SLC8A2: variants seen among roughly 807,000 people sequenced by gnomAD.
SLC8A2 encodes the protein sodium/calcium exchanger 2.
A neutral mutation model predicts 70.2 loss-of-function variants in SLC8A2; 14 were observed. The observed-to-expected ratio is 0.20, with a 90% confidence interval of 0.13 to 0.31. The LOEUF is 0.31. SLC8A2 is among the 10% of genes least tolerant of loss of function. The pLI, the probability that SLC8A2 is intolerant of heterozygous loss-of-function variation, is 1.00. For synonymous variants in SLC8A2, 575 were observed against 594.3 expected (o/e 0.97, Z 0.47); for missense variants, 779 against 1,320.1 (o/e 0.59, Z 6.35).
At chr19:47,433,804 G>C (rs1966992850) in intron 8 of SLC8A2, among the ~76,000 whole-genome samples, 2 of 152,106 alleles carry the variant, frequency 1.3e-5, no homozygotes, top group South Asian at 4.1e-4. Flanking sequence ...ACCCCACCTG[G>C]CTGATTTTTT....
At position 47,437,528 on chromosome 19, in the gene SLC8A2, A is replaced by G. The variant is rs772002996; in HGVS notation, c.2044T>C (p.Leu682=). 1 of 1,613,888 alleles carries G rather than the reference A, an allele frequency of 6.2e-7. No homozygotes were observed. Among genetic ancestry groups the G allele is most frequent in the Non-Finnish European group, 8.5e-7 (1 of 1,179,916 alleles). Residue 682 remains leucine, a synonymous_variant, in exon 8 of 10, where the codon TTG becomes CTG. Transcript: ENST00000236877. ...GAATGGGTCCCAATTACCAAGGCCA[A>G]GTTCGTTTTCTTGATGAGTTTATCC... ...TVDKLIKKTN[L]ALVIGTHSWR... is the part of the protein sequence containing the mutation.
chr19:47,467,731 G>A (rs990030411), intron 1 of SLC8A2, among the ~76,000 whole-genome samples: 4 of 150,690 alleles, frequency 2.7e-5, no homozygotes, highest in Non-Finnish European at 5.9e-5. Context: ...GGTGGCTCAC[G>A]CCTGTAATCC....
chr19:47,466,715 T>C lies in SLC8A2; in HGVS notation c.-16-296A>G, dbSNP rs1364231904. On this transcript the variant is annotated intron_variant, in intron 1 of 9. Transcript: ENST00000236877. This position sits in a 1 kb window ranked among gnomAD's most constrained non-coding sequence, Gnocchi z 6.9. ...CACGTATCATGCAATTCAGCAGTTT[T>C]GTTCCTCGGTATGTGCCTGAGAAAT... Among the ~76,000 whole-genome samples, 1 of 152,138 alleles carries C rather than the reference T, an allele frequency of 6.6e-6. No homozygotes were observed. Among genetic ancestry groups the C allele is most frequent in the Non-Finnish European group, 1.5e-5 (1 of 68,016 alleles).
intron 1 of SLC8A2, among the ~76,000 whole-genome samples, chr19:47,469,525 A>T (rs535471293): frequency 6.6e-6 from 1 of 152,278 alleles, no homozygotes; most frequent in Non-Finnish European, 1.5e-5. Context: ...CCACCCTCCT[A>T]GCCCAGGGGC....
In SLC8A2 at chr19:47,429,941, C is replaced by T. The variant is rs1413819606; in HGVS notation, c.*148G>A. On this transcript the variant is annotated 3_prime_UTR_variant, in exon 10 of 10. Coordinates refer to ENST00000236877, the MANE Select transcript of SLC8A2 (RefSeq NM_015063.3). ...TACTGGGGACACAGAACAGGGCAAT[C>T]AAAGCCAGGGGAGGGGGCGGAGAAG... 7.7e-6 allele frequency: 6 copies of T among 776,260 alleles called. No individual in the cohort carries two copies. The Admixed American group carries it at 1.8e-4, about 23-fold the overall frequency. 48.1% of individuals were successfully genotyped at this position (776,260 alleles called of 1,614,324 possible).
At position 47,437,547 on chromosome 19, in the gene SLC8A2, T is replaced by C; in HGVS notation, c.2025A>G (p.Lys675=). 6.2e-7 allele frequency: 1 copy of C among 1,613,270 alleles called. No individual in the cohort carries two copies. Residue 675 remains lysine (K), a synonymous_variant, in exon 8 of 10, where the codon AAA becomes AAG. Transcript: ENST00000236877. ...ESYDFKNTVD[K]LIKKTNLALV... is the part of the protein sequence containing the mutation. ...AGGCCAAGTTCGTTTTCTTGATGAG[T>C]TTATCCACCGTGTTCTGGGGATGAG...
At chr19:47,469,162 G>A (rs185023359) in intron 1 of SLC8A2, among the ~76,000 whole-genome samples, 5 of 151,432 alleles carry the variant, frequency 3.3e-5, no homozygotes, top group Admixed American at 2.6e-4. Flanking sequence ...GTGCAGGCAA[G>A]GGTGGGGGAG....
At position 47,450,844 on chromosome 19, in the gene SLC8A2, G is replaced by T. The variant is rs1351164515; in HGVS notation, c.1341-2613C>A. On this transcript the variant is annotated intron_variant, in intron 3 of 9. Transcript: ENST00000236877. ...ATAGTGTTTACCTCCTGGCGCTGTG[G>T]TGAGGACTGAATTGATACAGGGGAA... Among the ~76,000 whole-genome samples the T allele has an allele frequency of 7.9e-5, 12 of 152,166 alleles. No individual in the cohort carries two copies. In the East Asian group the frequency reaches 2.3e-3, roughly 29 times the overall value.
intron 4 of SLC8A2, among the ~76,000 whole-genome samples, chr19:47,443,539 A>G (rs1174282865): frequency 6.6e-6 from 1 of 151,866 alleles, no homozygotes; most frequent in Admixed American, 6.6e-5. Context: ...ACGCCATCAC[A>G]CCCTACAGCC....
rs898927708 is a variant in SLC8A2, at chr19:47,433,644, C to T, written c.2111-1199G>A. 7.3e-5 allele frequency among the ~76,000 whole-genome samples: 11 copies of T among 151,424 alleles called. No individual in the cohort carries two copies. In the East Asian group the frequency reaches 1.9e-3, roughly 27 times the overall value. Reference sequence around the variant, plus strand: ...TGACCTAATTTGACCAGCTTTTGACCTGCAGTGACTTTTTTTTTTTTTTGA... The same window carrying T: ...TGACCTAATTTGACCAGCTTTTGACTTGCAGTGACTTTTTTTTTTTTTTGA... On this transcript the variant is annotated intron_variant, in intron 8 of 9. Transcript: ENST00000236877.
intron 2 of SLC8A2, among the ~76,000 whole-genome samples, chr19:47,459,040 G>T (rs111212173): frequency 7.6e-6 from 1 of 131,844 alleles, no homozygotes; most frequent in Admixed American, 7.9e-5. Flanking sequence ...CTCCATCTCT[G>T]TCTCTCTGTT....
At chr19:47,470,744 A>G (rs571769398) in intron 1 of SLC8A2, among the ~76,000 whole-genome samples, 16 of 152,328 alleles carry the variant, frequency 1.1e-4, no homozygotes, top group African/African-American at 3.8e-4. Context: ...GTTAGATTGA[A>G]GGGAGGTCTG....
intron 2 of SLC8A2, among the ~76,000 whole-genome samples, chr19:47,459,531 CGTGTGT>C (rs66923007): frequency 0.021 from 3,249 of 151,794 alleles, 56 homozygotes; most frequent in Non-Finnish European, 0.027. Context: ...CGTGCGTGCG[CGTGTGT>C]GCGCATGTGT....
intron 4 of SLC8A2, among the ~76,000 whole-genome samples, chr19:47,444,315 G>A (rs116833348): frequency 6.6e-6 from 1 of 152,024 alleles, no homozygotes; most frequent in Non-Finnish European, 1.5e-5. Flanking sequence ...TTCAAAAGAC[G>A]CATCTCAACA....
At chr19:47,441,133 C>G (rs746022075) in intron 6 of SLC8A2, 36 bp downstream of exon 6, 1 of 1,607,776 alleles carries the variant, frequency 6.2e-7, no homozygotes, top group Non-Finnish European at 8.5e-7. Context: ...TCCAGTGGCT[C>G]CTCCCCACTC....
intron 3 of SLC8A2, among the ~76,000 whole-genome samples, chr19:47,450,548 C>A (rs1967221674): frequency 6.6e-6 from 1 of 152,094 alleles, no homozygotes; most frequent in Non-Finnish European, 1.5e-5. Flanking sequence ...GGGAGTCAGG[C>A]TCCAGTTTTC....
intron 5 of SLC8A2, 69 bp downstream of exon 5, chr19:47,441,268 A>C (rs1300115630): frequency 1.3e-6 from 2 of 1,586,430 alleles, no homozygotes; most frequent in Non-Finnish European, 1.7e-6. Context: ...AGTGCCTGCA[A>C]TTGAGCCCCT....
At position 47,432,381 on chromosome 19, in the gene SLC8A2, CA is replaced by C; in HGVS notation, c.2174del (p.Val725GlyfsTer5). ...EERLPSCFDY[V>X]MHFLTVFWKV... ...TCCAGAACACCGTCAGGAAGTGCAT[CA>C]CGTAGTCAAAGCACGACGGCAGCCG... is the stretch of plus-strand genomic sequence containing the variant. On this transcript the variant is annotated frameshift_variant, in exon 9 of 10. Transcript: ENST00000236877. LOFTEE classifies it high-confidence loss of function. This position sits in a 1 kb window ranked among gnomAD's most constrained non-coding sequence, Gnocchi z 6.2. The C allele has an allele frequency of 6.2e-7, 1 of 1,613,626 alleles. No homozygotes were observed. The highest frequency in any genetic ancestry group is 8.5e-7 in the Non-Finnish European group (1 of 1,179,766).
chr19:47,471,395 A>T (rs778210209), intron 1 of SLC8A2, among the ~76,000 whole-genome samples: 6 of 151,704 alleles, frequency 4.0e-5, no homozygotes, highest in Non-Finnish European at 8.8e-5. Context: ...AGAGACAGGG[A>T]CTCCCAGAGG....
Sources: allele counts gnomAD v4.1 joint callset (sites outside exome capture counted in the v4.1 genomes callset), GRCh38; gene constraint gnomAD v4.1.1; non-coding constraint Gnocchi (gnomAD v3.1); transcripts MANE v1.5; gene names NCBI Gene and HGNC (gene_info 2026-07-23, HGNC 2026-07-21).